The following RICTOR variants were observed in gnomAD, a reference collection of about 807,000 sequenced individuals.
RICTOR encodes RPTOR independent companion of MTOR complex 2, also known as rapamycin-insensitive companion of mTOR.
In RICTOR, 49 loss-of-function variants were observed where a neutral mutation model predicts 214.9. The observed-to-expected ratio is 0.23, with a 90% confidence interval of 0.18 to 0.29. RICTOR has a LOEUF of 0.29. RICTOR is among the 10% of genes least tolerant of loss of function. The pLI is 1.00. For missense variants in RICTOR, 1,625 were observed against 2,047.0 expected (o/e 0.79, Z 3.98); for synonymous variants, 717 against 711.3 (o/e 1.01, Z -0.13).
chr5:39,008,854 T>C (rs1474658050), intron 3 of RICTOR, among the ~76,000 whole-genome samples: 1 of 151,930 alleles, frequency 6.6e-6, no homozygotes, highest in South Asian at 2.1e-4. Context: ...GTACCATACA[T>C]GAGTAAGAAA....
intron 28 of RICTOR, 37 bp downstream of exon 28, chr5:38,953,424 A>C (rs1748964070): frequency 1.1e-6 from 1 of 921,294 alleles, no homozygotes; most frequent in Non-Finnish European, 1.6e-6. Flanking sequence ...AAAAATCTAA[A>C]AATTGCGAAG....
At chr5:38,983,918 A>G (rs1751935261) in intron 7 of RICTOR, among the ~76,000 whole-genome samples, 1 of 152,164 alleles carries the variant, frequency 6.6e-6, no homozygotes, top group African/African-American at 2.4e-5. Flanking sequence ...TGAGCCTGAG[A>G]TTGCGCCACT....
chr5:38,987,197 T>C (rs185065694), intron 7 of RICTOR, among the ~76,000 whole-genome samples: 3 of 152,308 alleles, frequency 2.0e-5, no homozygotes, highest in African/African-American at 7.2e-5. Context: ...TTTTTTGTTG[T>C]GTCTCTGCCA....
intron 12 of RICTOR, 39 bp from the exon 13 acceptor site, chr5:38,967,466 T>C (rs1750334527): frequency 7.2e-7 from 1 of 1,395,326 alleles, no homozygotes; most frequent in Admixed American, 1.9e-5. Context: ...AGATTAGATA[T>C]CACTGAAACA....
At chr5:39,035,968 C>A (rs998903559) in intron 2 of RICTOR, among the ~76,000 whole-genome samples, 1 of 150,628 alleles carries the variant, frequency 6.6e-6, no homozygotes, top group Non-Finnish European at 1.5e-5. Flanking sequence ...ACACAGAACG[C>A]CACAAAGATA....
At chr5:38,950,790 C>T (rs1748708828) in intron 30 of RICTOR, 70 bp from the exon 31 acceptor site, 1 of 1,339,684 alleles carries the variant, frequency 7.5e-7, no homozygotes, top group Admixed American at 2.6e-5. Flanking sequence ...TTAGTGACAT[C>T]ACATTTCAGG....
At chr5:38,947,048 G>A (rs1561439511) in intron 32 of RICTOR, among the ~76,000 whole-genome samples, 2 of 152,210 alleles carry the variant, frequency 1.3e-5, no homozygotes. Context: ...GGAAGAGAGG[G>A]AAGGATAATG....
chr5:39,063,623 A>G (rs1044670600), intron 2 of RICTOR, among the ~76,000 whole-genome samples: 3 of 152,124 alleles, frequency 2.0e-5, no homozygotes, highest in Admixed American at 6.6e-5. Flanking sequence ...GATAATTGGC[A>G]TATGCTTCAA....
chr5:38,964,709 ATTT>A (rs1053054748), intron 16 of RICTOR, 80 bp downstream of exon 16: 4 of 672,156 alleles, frequency 6.0e-6, no homozygotes, highest in East Asian at 6.2e-5. Context: ...TATCCATACT[ATTT>A]TTTTTAAAAA....
intron 15 of RICTOR, among the ~76,000 whole-genome samples, 181 bp downstream of exon 15, chr5:38,966,460 C>T (rs561161793): frequency 2.0e-5 from 3 of 152,322 alleles, no homozygotes; most frequent in Non-Finnish European, 2.9e-5. Context: ...TGCGCATGCG[C>T]GCACGTACAT....
chr5:38,957,876 TTTATTATAA>T, intron 24 of RICTOR, 146 bp from the exon 25 acceptor site: 1 of 515,584 alleles, frequency 1.9e-6, no homozygotes, highest in East Asian at 3.3e-5. Flanking sequence ...TCAACTATAA[TTTATTATAA>T]CTTCAATTAC....
chr5:39,001,783 G>T (rs1233787131), intron 5 of RICTOR, among the ~76,000 whole-genome samples: 1 of 151,872 alleles, frequency 6.6e-6, no homozygotes, highest in Non-Finnish European at 1.5e-5. Flanking sequence ...CACTCACCGG[G>T]GAACACAAGT....
At chr5:38,952,159 A>G (rs768136168) in intron 30 of RICTOR, 37 bp downstream of exon 30, 1 of 1,209,234 alleles carries the variant, frequency 8.3e-7, no homozygotes, top group South Asian at 1.3e-5. Flanking sequence ...AAATGTTAAC[A>G]TTGGCTAACT....
chr5:39,039,401 C>T (rs903963796), intron 2 of RICTOR, among the ~76,000 whole-genome samples: 18 of 152,244 alleles, frequency 1.2e-4, no homozygotes, highest in African/African-American at 4.3e-4. Flanking sequence ...AGGACATAGG[C>T]ATGGGCAAAG....
intron 2 of RICTOR, among the ~76,000 whole-genome samples, chr5:39,039,192 C>A (rs1306147728): frequency 2.6e-5 from 4 of 152,084 alleles, no homozygotes; most frequent in Non-Finnish European, 4.4e-5. Flanking sequence ...CTTTGACAAA[C>A]CTGACAAAAA....
chr5:39,016,004 G>C (rs1754911092), intron 3 of RICTOR, among the ~76,000 whole-genome samples: 1 of 152,204 alleles, frequency 6.6e-6, no homozygotes, highest in Admixed American at 6.5e-5. Context: ...AGCCAAAATA[G>C]ATTTTATGAA....
At chr5:39,072,897 T>C (rs745888101) in intron 2 of RICTOR, among the ~76,000 whole-genome samples, 11 of 152,218 alleles carry the variant, frequency 7.2e-5, no homozygotes, top group Admixed American at 1.3e-4. Context: ...GAATAAAATA[T>C]TAAGTTATAA....
intron 31 of RICTOR, among the ~76,000 whole-genome samples, chr5:38,948,847 G>T (rs2112838801): frequency 6.6e-6 from 1 of 151,972 alleles, no homozygotes; most frequent in East Asian, 1.9e-4. Flanking sequence ...AAGCATTATT[G>T]AAACAAAACT....
chr5:38,974,002 T>C (rs573501534), intron 10 of RICTOR, among the ~76,000 whole-genome samples: 1 of 152,332 alleles, frequency 6.6e-6, no homozygotes, highest in African/African-American at 2.4e-5. Flanking sequence ...AATGCTGATA[T>C]TTCTCTTCTT....
Sources: allele counts gnomAD v4.1 joint callset (sites outside exome capture counted in the v4.1 genomes callset), GRCh38; gene constraint gnomAD v4.1.1; transcripts MANE v1.5; gene names NCBI Gene and HGNC (gene_info 2026-07-23, HGNC 2026-07-21).